Variants in SNED1 observed in about 807,000 individuals in gnomAD.
SNED1 encodes the protein sushi, nidogen and EGF like domains 1.
In SNED1, 81 loss-of-function variants were observed where a neutral mutation model predicts 166.7. That is an observed-to-expected ratio of 0.49 (90% CI 0.41 to 0.58). SNED1 has a LOEUF of 0.58. SNED1 is among the 20% of genes least tolerant of loss of function. SNED1 has a pLI of 0.00. For synonymous variants in SNED1, 762 were observed against 822.0 expected, an observed-to-expected ratio of 0.93 and a Z score of 1.25; for missense variants, 1,604 against 2,000.2, an observed-to-expected ratio of 0.80 and a Z score of 3.78.
At chr2:241,059,323 TA>T (rs2062160432) in intron 16 of SNED1, among the ~76,000 whole-genome samples, 2 of 152,258 alleles carry the variant, frequency 1.3e-5, no homozygotes, top group Admixed American at 1.3e-4. Context: ...AAAGGAATGA[TA>T]CCAACTTTGT....
rs2062393858 is a variant in SNED1 at position 241,065,321 on chromosome 2, C to G, written c.2736C>G (p.Leu912=). The G allele has an allele frequency of 2.5e-6, 4 of 1,612,918 alleles. No homozygotes were observed. The highest frequency in any genetic ancestry group is 3.4e-6 in the Non-Finnish European group (4 of 1,179,844). ...AAGAGCTCTTCCCACCGACGGCCCT[C>G]AAGATGGAGAGAGTGGAGGAGAGTG... ...CAKELFPPTA[L]KMERVEESGV... Residue 912 remains leucine, a synonymous_variant, in exon 21 of 32, where the codon CTC becomes CTG. Coordinates refer to ENST00000310397, the MANE Select transcript of SNED1 (RefSeq NM_001080437.3).
chr2:241,013,716 A>G lies in SNED1; in HGVS notation c.213+14666A>G, dbSNP rs1360884996. 6.6e-6 allele frequency among the ~76,000 whole-genome samples: 1 copy of G among 152,152 alleles called. No homozygotes were observed. The highest frequency in any genetic ancestry group is 1.5e-5 in the Non-Finnish European group (1 of 68,034). ...TATTTCACTGAGCATAATGTCCTTCAGTTTCATCCATGTTGTTGCAAATGG... is the reference window on the plus strand; with the variant it reads ...TATTTCACTGAGCATAATGTCCTTCGGTTTCATCCATGTTGTTGCAAATGG... On this transcript the variant is annotated intron_variant, in intron 1 of 31. Transcript: ENST00000310397. This position sits in a 1 kb window ranked among gnomAD's most constrained non-coding sequence, Gnocchi z 4.6.
chr2:241,065,318 C>T lies in SNED1; in HGVS notation c.2733C>T (p.Ala911=), dbSNP rs766071585. The change falls in exon 21 of 32, where the codon GCC becomes GCT. Residue 911 remains alanine, a synonymous_variant. Coordinates refer to ENST00000310397, the MANE Select transcript of SNED1 (RefSeq NM_001080437.3). Reference sequence around the variant, plus strand: ...CTGAAGAGCTCTTCCCACCGACGGCCCTCAAGATGGAGAGAGTGGAGGAGA... The same window carrying T: ...CTGAAGAGCTCTTCCCACCGACGGCTCTCAAGATGGAGAGAGTGGAGGAGA... ...DCAKELFPPT[A]LKMERVEESG... 8.7e-6 allele frequency: 14 copies of T among 1,612,784 alleles called. No homozygotes were observed. The highest frequency in any genetic ancestry group is 9.3e-6 in the Non-Finnish European group (11 of 1,179,852).
chr2:241,009,858 C>A (rs2060333719), intron 1 of SNED1, among the ~76,000 whole-genome samples: 1 of 152,054 alleles, frequency 6.6e-6, no homozygotes, highest in South Asian at 2.1e-4. Context: ...CCCAGTATTG[C>A]CGTCGGTGGC....
rs746371946 is a variant in SNED1, at chr2:241,078,300, T to G, written c.3917-3377T>G. ...CAGGAGGCTGAGGCAGGAGAATCGC[T>G]TGAACCCGGGAGGTGGAGTTTGCAG... On this transcript the variant is annotated intron_variant, in intron 27 of 31. Coordinates refer to ENST00000310397, the MANE Select transcript of SNED1 (RefSeq NM_001080437.3). Among the ~76,000 whole-genome samples the G allele has an allele frequency of 7.2e-4, 109 of 150,824 alleles. 1 individual carries two copies. In the Middle Eastern group the frequency reaches 0.034, roughly 47 times the overall value.
Position 241,049,078 on chromosome 2 carries a change from A to C in SNED1, c.1561A>C (p.Met521Leu), listed in dbSNP as rs747185039. 1 of 1,613,578 alleles carries C rather than the reference A, an allele frequency of 6.2e-7. No homozygotes were observed. Among genetic ancestry groups the C allele is most frequent in the Admixed American group, 1.7e-5 (1 of 59,972 alleles). ...ACAGTGCCCAGATGGGGGCTACTGC[A>C]TGGAGCACGGCGGGAGCTACCTCTG... ...NTQCPDGGYC[M>L]EHGGSYLCVC... The change falls in exon 11 of 32, where the codon ATG becomes CTG. Residue 521 changes from methionine to leucine, a missense_variant. Coordinates refer to ENST00000310397, the MANE Select transcript of SNED1 (RefSeq NM_001080437.3).
chr2:241,027,996 G>A (rs751957431), intron 1 of SNED1, among the ~76,000 whole-genome samples: 3 of 152,168 alleles, frequency 2.0e-5, no homozygotes, highest in Non-Finnish European at 2.9e-5. Flanking sequence ...GCCTCCCAGA[G>A]TGATGGGATT....
intron 1 of SNED1, among the ~76,000 whole-genome samples, chr2:241,020,435 G>A (rs974180423): frequency 2.6e-5 from 4 of 152,344 alleles, no homozygotes; most frequent in Non-Finnish European, 4.4e-5. Flanking sequence ...GGGGCCCCGT[G>A]ACTCGAGCAC....
At position 241,068,017 on chromosome 2, in the gene SNED1, A is replaced by G. The variant is rs1197630021; in HGVS notation, c.3194+70A>G. On this transcript the variant is annotated intron_variant, in intron 22 of 31. Transcript: ENST00000310397. This position sits in a 1 kb window ranked among gnomAD's most constrained non-coding sequence, Gnocchi z 5.3. ...GTGGGGGCTCGGGGACACGGGGCCC[A>G]GGTCTCGGGCACATTCTCCGTGTGT... 4 of 1,403,282 alleles carry G rather than the reference A, an allele frequency of 2.9e-6. No homozygotes were observed. Among genetic ancestry groups the G allele is most frequent in the Non-Finnish European group, 3.9e-6 (4 of 1,019,090 alleles). 86.9% of individuals were successfully genotyped at this position (1,403,282 alleles called of 1,614,324 possible).
rs745824215 is a variant in SNED1 at position 241,049,089 on chromosome 2, C to T, written c.1572C>T (p.Gly524=). The part of the protein sequence containing the change: ...CPDGGYCMEH[G]GSYLCVCHTD... ...ATGGGGGCTACTGCATGGAGCACGG[C>T]GGGAGCTACCTCTGCGTCTGCCACA... The change falls in exon 11 of 32, where the codon GGC becomes GGT. Residue 524 remains glycine (G), a synonymous_variant. Coordinates refer to ENST00000310397, the MANE Select transcript of SNED1 (RefSeq NM_001080437.3). The T allele has an allele frequency of 1.1e-5, 18 of 1,612,870 alleles. No individual in the cohort carries two copies. The highest frequency in any genetic ancestry group is 1.5e-5 in the Non-Finnish European group (18 of 1,179,604).
At chr2:241,090,789 C>G (rs1183300490) in intron 31 of SNED1, among the ~76,000 whole-genome samples, 1 of 151,288 alleles carries the variant, frequency 6.6e-6, no homozygotes, top group Admixed American at 6.6e-5. Flanking sequence ...ATCACTTGAA[C>G]TTGGAAGGCA....
intron 1 of SNED1, among the ~76,000 whole-genome samples, chr2:241,017,660 C>T (rs1384673741): frequency 1.3e-5 from 2 of 152,242 alleles, no homozygotes; most frequent in African/African-American, 4.8e-5. Context: ...CCAGTATACG[C>T]CATGCCAGCA....
intron 26 of SNED1, chr2:241,072,292 C>T (rs1349787029): frequency 2.2e-6 from 1 of 453,556 alleles, no homozygotes; most frequent in Non-Finnish European, 4.4e-6. Context: ...TCCTCCGCCA[C>T]TGTCCTGGCA....
Position 241,064,207 on chromosome 2 carries a change from C to T in SNED1, c.2599+82C>T, listed in dbSNP as rs1473053500. 2.0e-3 allele frequency: 1,907 copies of T among 965,368 alleles called. 6 individuals are homozygous for T. The highest frequency in any genetic ancestry group is 2.5e-3 in the Non-Finnish European group (1,683 of 660,752). 59.8% of individuals were successfully genotyped at this position (965,368 alleles called of 1,614,324 possible). A position where few individuals can be genotyped will look rare whatever the true frequency, so the allele number is the denominator to read the frequency against. ...GCCCGCCTGCTGCCCGCCCTCTGCC[C>T]GCCTGCTCCCCGCCCTCTGCCCGCC... On this transcript the variant is annotated intron_variant, in intron 19 of 31. Coordinates refer to ENST00000310397, the MANE Select transcript of SNED1 (RefSeq NM_001080437.3). The surrounding 1 kb of genome is among the most constrained non-coding windows in gnomAD (Gnocchi z 7.0).
rs2061224301 is a variant in SNED1, at chr2:241,032,629, T to C, written c.502-1106T>C. On this transcript the variant is annotated intron_variant, in intron 2 of 31. Transcript: ENST00000310397. ...TGCACATGTACCCTAGAACTTAAAGTATAATAAAAAATAAAAAATAATAAA... is the reference window on the plus strand; with the variant it reads ...TGCACATGTACCCTAGAACTTAAAGCATAATAAAAAATAAAAAATAATAAA... Among the ~76,000 whole-genome samples, 3 of 152,226 alleles carry C rather than the reference T, an allele frequency of 2.0e-5. No homozygotes were observed. The South Asian group carries it at 6.2e-4, about 32-fold the overall frequency.
At position 241,052,161 on chromosome 2, in the gene SNED1, AG is replaced by A; in HGVS notation, c.1969+6del. 6.2e-7 allele frequency: 1 copy of A among 1,611,606 alleles called. No individual in the cohort carries two copies. The highest frequency in any genetic ancestry group is 8.5e-7 in the Non-Finnish European group (1 of 1,177,902). ...TCCGGGCGGCACTGCGAGATAGGTA[AG>A]GTGGGTGGGAGGCCAGGCCAGGGCG... On this transcript the variant is annotated splice_donor_5th_base_variant and intron_variant, in intron 14 of 31. Transcript: ENST00000310397.
At chr2:241,067,998 G>A in intron 22 of SNED1, 51 bp downstream of exon 22, 1 of 1,523,712 alleles carries the variant, frequency 6.6e-7, no homozygotes, top group Non-Finnish European at 9.0e-7. Context: ...AGGGGTGGGG[G>A]CTCGGGGACA....
intron 31 of SNED1, chr2:241,089,999 T>C: frequency 1.3e-6 from 2 of 1,549,400 alleles, no homozygotes; most frequent in Non-Finnish European, 1.7e-6. Flanking sequence ...GCGCTTAGCG[T>C]AGCTGGAATG....
chr2:241,089,894 G>A (rs1461851416), intron 31 of SNED1: 4 of 1,506,154 alleles, frequency 2.7e-6, no homozygotes, highest in Non-Finnish European at 3.6e-6. Context: ...TACTGTAGGC[G>A]GTCGTAACAC....
Sources: allele counts gnomAD v4.1 joint callset (sites outside exome capture counted in the v4.1 genomes callset), GRCh38; gene constraint gnomAD v4.1.1; non-coding constraint Gnocchi (gnomAD v3.1); transcripts MANE v1.5; gene names NCBI Gene and HGNC (gene_info 2026-07-23, HGNC 2026-07-21).